SCN8A: variants seen among roughly 807,000 people sequenced by gnomAD.
The protein encoded by SCN8A is sodium voltage-gated channel alpha subunit 8.
SCN8A carries 30 observed loss-of-function variants against 184.1 expected under a neutral mutation model. That is an observed-to-expected ratio of 0.16 (90% CI 0.12 to 0.22). The LOEUF is 0.22. SCN8A is among the 10% of genes least tolerant of loss of function. SCN8A has a pLI of 1.00. For synonymous variants in SCN8A, 852 were observed against 907.0 expected, an observed-to-expected ratio of 0.94 and a Z score of 1.09; for missense variants, 1,057 against 2,498.9, an observed-to-expected ratio of 0.42 and a Z score of 12.30.
At chr12:51,626,785 G>T (rs1489886222) in intron 1 of SCN8A, among the ~76,000 whole-genome samples, 3 of 150,234 alleles carry the variant, frequency 2.0e-5, no homozygotes, top group East Asian at 3.9e-4. Context: ...TTTTTAAAAA[G>T]ATTTATTTAT....
At chr12:51,726,643 GAAGATA>G (rs1942159600) in intron 12 of SCN8A, among the ~76,000 whole-genome samples, 1 of 152,126 alleles carries the variant, frequency 6.6e-6, no homozygotes, top group Non-Finnish European at 1.5e-5. Context: ...GGGCTATTGT[GAAGATA>G]AACTATAACA....
At chr12:51,771,339 CTTAAGGGAA>C (rs2138872921) in intron 19 of SCN8A, among the ~76,000 whole-genome samples, 1 of 152,034 alleles carries the variant, frequency 6.6e-6, no homozygotes, top group Admixed American at 6.5e-5. Context: ...ACACACTTTC[CTTAAGGGAA>C]AGGTGAAGAA....
At chr12:51,697,879 C>T (rs996746461) in intron 6 of SCN8A, among the ~76,000 whole-genome samples, 16 of 152,162 alleles carry the variant, frequency 1.1e-4, no homozygotes, top group Non-Finnish European at 1.0e-4. Flanking sequence ...GACGGAGTCT[C>T]GCTCTGTTGA....
intron 12 of SCN8A, among the ~76,000 whole-genome samples, chr12:51,744,782 T>C (rs538154195): frequency 4.6e-5 from 7 of 152,270 alleles, no homozygotes; most frequent in Admixed American, 1.3e-4. Flanking sequence ...TTCTGTTCAG[T>C]CCTTAAAATC....
chr12:51,724,839 G>A (rs1942131068), intron 12 of SCN8A, among the ~76,000 whole-genome samples: 1 of 152,216 alleles, frequency 6.6e-6, no homozygotes, highest in South Asian at 2.1e-4. Context: ...GAGATGATCA[G>A]GTTTAGGGGT....
intron 2 of SCN8A, among the ~76,000 whole-genome samples, chr12:51,673,281 T>A (rs1941163960): frequency 6.6e-6 from 1 of 152,200 alleles, no homozygotes; most frequent in Non-Finnish European, 1.5e-5. Flanking sequence ...GATTTAAAAT[T>A]TACTGATGTG....
intron 14 of SCN8A, among the ~76,000 whole-genome samples, chr12:51,760,358 A>G (rs1358427696): frequency 1.3e-5 from 2 of 152,234 alleles, no homozygotes; most frequent in Non-Finnish European, 2.9e-5. Flanking sequence ...GTGTTGAAGC[A>G]ACATGGTGGC....
At chr12:51,604,408 T>C (rs1939537273) in intron 1 of SCN8A, among the ~76,000 whole-genome samples, 1 of 152,214 alleles carries the variant, frequency 6.6e-6, no homozygotes, top group South Asian at 2.1e-4. Flanking sequence ...CTCTCTCTTC[T>C]GTTCCATCAG....
chr12:51,692,794 G>A (rs1189130093), intron 6 of SCN8A, among the ~76,000 whole-genome samples: 2 of 152,170 alleles, frequency 1.3e-5, no homozygotes, highest in Non-Finnish European at 2.9e-5. Context: ...CCAAAGAAAG[G>A]GTGGGAATCT....
At chr12:51,624,116 G>A (rs1017899473) in intron 1 of SCN8A, among the ~76,000 whole-genome samples, 12 of 152,082 alleles carry the variant, frequency 7.9e-5, no homozygotes, top group African/African-American at 2.7e-4. Flanking sequence ...TAGTCCTTTG[G>A]GTATATACCC....
rs1940082580 is a variant in SCN8A, at chr12:51,626,552, A to G, written c.-55+35193A>G. On this transcript the variant is annotated intron_variant, in intron 1 of 26. Coordinates refer to ENST00000627620, the MANE Select transcript of SCN8A (RefSeq NM_001330260.2). ...ATATATCATGAAAAACCATTCATTCATTAATTAAGCAAACATTTATTGAAT... is the reference window on the plus strand; with the variant it reads ...ATATATCATGAAAAACCATTCATTCGTTAATTAAGCAAACATTTATTGAAT... Among the ~76,000 whole-genome samples, 9 of 152,316 alleles carry G rather than the reference A, an allele frequency of 5.9e-5. No individual in the cohort carries two copies. In the South Asian group the frequency reaches 1.7e-3, roughly 28 times the overall value.
chr12:51,683,912 C>T (rs1010668430), intron 2 of SCN8A, among the ~76,000 whole-genome samples: 24 of 152,230 alleles, frequency 1.6e-4, no homozygotes, highest in African/African-American at 5.5e-4. Flanking sequence ...AGGTATGATT[C>T]AAATGGCCTG....
intron 2 of SCN8A, among the ~76,000 whole-genome samples, chr12:51,675,589 A>G (rs1941209635): frequency 6.6e-6 from 1 of 152,228 alleles, no homozygotes; most frequent in Non-Finnish European, 1.5e-5. Flanking sequence ...CGGGAGATCT[A>G]GTCCCTGGCA....
chr12:51,694,644 C>T (rs74095021), intron 6 of SCN8A, among the ~76,000 whole-genome samples: 2 of 152,288 alleles, frequency 1.3e-5, no homozygotes, highest in East Asian at 1.9e-4. Flanking sequence ...TTTGAAGAAG[C>T]ATTCTGCTGT....
intron 13 of SCN8A, among the ~76,000 whole-genome samples, chr12:51,750,450 A>C (rs1043750460): frequency 2.0e-5 from 3 of 152,234 alleles, no homozygotes; most frequent in Admixed American, 6.5e-5. Flanking sequence ...AGGGGCAAGA[A>C]AGAAGGAGAC....
chr12:51,726,941 C>G (rs1942164765), intron 12 of SCN8A, among the ~76,000 whole-genome samples: 1 of 152,130 alleles, frequency 6.6e-6, no homozygotes. Flanking sequence ...TGGCTAGGCT[C>G]TAAGGATACT....
chr12:51,655,259 A>C (rs932625912), intron 1 of SCN8A, among the ~76,000 whole-genome samples: 5 of 151,746 alleles, frequency 3.3e-5, no homozygotes, highest in Admixed American at 6.6e-5. Flanking sequence ...TCTTCCTTTC[A>C]TTCCTGTTAT....
At chr12:51,643,543 A>G (rs1219984983) in intron 1 of SCN8A, among the ~76,000 whole-genome samples, 1 of 152,136 alleles carries the variant, frequency 6.6e-6, no homozygotes, top group East Asian at 1.9e-4. Context: ...TTAACTCCAG[A>G]TCTATATTGT....
At chr12:51,618,194 T>C (rs1038341861) in intron 1 of SCN8A, among the ~76,000 whole-genome samples, 8 of 152,262 alleles carry the variant, frequency 5.3e-5, no homozygotes, top group African/African-American at 1.9e-4. Flanking sequence ...TCCTGTGCTC[T>C]TGGGATCCCA....
Sources: allele counts gnomAD v4.1 joint callset (sites outside exome capture counted in the v4.1 genomes callset), GRCh38; gene constraint gnomAD v4.1.1; transcripts MANE v1.5; gene names NCBI Gene and HGNC (gene_info 2026-07-23, HGNC 2026-07-21).